Variants in ARMC10 observed in about 807,000 individuals in gnomAD.
The protein encoded by ARMC10 is armadillo repeat containing 10, also known as armadillo repeat-containing protein 10.
In ARMC10, 23 loss-of-function variants were observed where a neutral mutation model predicts 30.2. That is an observed-to-expected ratio of 0.76 (90% CI 0.55 to 1.08). The LOEUF is 1.08. Ranked by LOEUF, ARMC10 falls within the 50% of genes least tolerant of loss-of-function variation. The pLI, the probability that ARMC10 is intolerant of heterozygous loss-of-function variation, is 0.00. For synonymous variants in ARMC10, 111 were observed against 164.4 expected, an observed-to-expected ratio of 0.68 and a Z score of 2.48; for missense variants, 303 against 413.7, an observed-to-expected ratio of 0.73 and a Z score of 2.32.
At position 103,075,418 on chromosome 7, in the gene ARMC10, C is replaced by T. The variant is rs780188553; in HGVS notation, c.139+7C>T. ...CGCTCTTCGAAGTCCGCAGGTGGGA[C>T]CCCGGGGTTTCCGGCAGGTGGGCGG... On this transcript the variant is annotated splice_region_variant and intron_variant, in intron 1 of 6. Transcript: ENST00000323716. 1.1e-5 allele frequency: 14 copies of T among 1,290,788 alleles called. No homozygotes were observed. Among genetic ancestry groups the T allele is most frequent in the Middle Eastern group, 2.2e-4 (1 of 4,626 alleles). 80.0% of individuals were successfully genotyped at this position (1,290,788 alleles called of 1,614,324 possible). A position where few individuals can be genotyped will look rare whatever the true frequency, so the allele number is the denominator to read the frequency against.
At chr7:103,080,700 T>A (rs1408347035) in intron 2 of ARMC10, among the ~76,000 whole-genome samples, 1 of 152,042 alleles carries the variant, frequency 6.6e-6, no homozygotes, top group Non-Finnish European at 1.5e-5. Flanking sequence ...GGATCTCGGC[T>A]CACTGCAACC....
chr7:103,091,626 C>T (rs896455940), intron 4 of ARMC10, among the ~76,000 whole-genome samples: 1 of 152,166 alleles, frequency 6.6e-6, no homozygotes, highest in Non-Finnish European at 1.5e-5. Context: ...TTCTTTACTT[C>T]TGAAATGATG....
At chr7:103,079,013 A>G (rs536837635) in intron 2 of ARMC10, among the ~76,000 whole-genome samples, 2 of 152,306 alleles carry the variant, frequency 1.3e-5, no homozygotes, top group East Asian at 3.9e-4. Flanking sequence ...TGTCTTAAAA[A>G]ATAAAAAATA....
chr7:103,086,170 T>C (rs1800835303), intron 3 of ARMC10, among the ~76,000 whole-genome samples: 1 of 152,206 alleles, frequency 6.6e-6, no homozygotes, highest in Non-Finnish European at 1.5e-5. Flanking sequence ...GGAACATCTC[T>C]TAACATTTTG....
chr7:103,088,204 CAGATG>C (rs1801018280), intron 4 of ARMC10, among the ~76,000 whole-genome samples: 1 of 152,070 alleles, frequency 6.6e-6, no homozygotes. Context: ...CGTATAGATC[CAGATG>C]AGATTAGTTT....
intron 4 of ARMC10, chr7:103,089,239 G>T: frequency 4.0e-6 from 1 of 248,306 alleles, no homozygotes. Flanking sequence ...AGCTCGATAT[G>T]CAGTAAGATA....
intron 2 of ARMC10, among the ~76,000 whole-genome samples, chr7:103,082,741 G>A (rs968865829): frequency 6.6e-6 from 1 of 151,900 alleles, no homozygotes; most frequent in African/African-American, 2.4e-5. Flanking sequence ...ACCCCAGTAA[G>A]AGTGTTATAA....
At chr7:103,096,119 CTTG>C (rs1274473208) in intron 5 of ARMC10, 3 of 152,152 alleles carry the variant, frequency 2.0e-5, no homozygotes, top group Non-Finnish European at 2.9e-5. Context: ...CTATTTGAGT[CTTG>C]TTATTACTGA....
chr7:103,093,660 C>T (rs549936339), intron 5 of ARMC10, among the ~76,000 whole-genome samples: 26 of 152,276 alleles, frequency 1.7e-4, no homozygotes, highest in Admixed American at 1.6e-3. Flanking sequence ...GCCCCTGAAC[C>T]CCTGGGGAAA....
chr7:103,080,372 G>A (rs1167446638), intron 2 of ARMC10, among the ~76,000 whole-genome samples: 4 of 149,592 alleles, frequency 2.7e-5, no homozygotes, highest in Non-Finnish European at 5.9e-5. Flanking sequence ...CTTCTACCTC[G>A]GCCACCCGAG....
intron 4 of ARMC10, chr7:103,087,756 A>G: frequency 1.0e-6 from 1 of 984,406 alleles, no homozygotes; most frequent in Non-Finnish European, 1.2e-6. Context: ...TAGTTTAGAT[A>G]AAGACTTCCA....
intron 5 of ARMC10, among the ~76,000 whole-genome samples, chr7:103,093,162 T>C (rs1443990832): frequency 6.6e-6 from 1 of 152,204 alleles, no homozygotes; most frequent in Non-Finnish European, 1.5e-5. Context: ...CTATAAAAAG[T>C]TTCTTAAGTA....
rs538352273 is a variant in ARMC10 at position 103,092,445 on chromosome 7, C to G, written c.529-32C>G. On this transcript the variant is annotated intron_variant, in intron 4 of 6. Transcript: ENST00000323716. ...GTTCAGTAGAAAAATTTTGGAGATT[C>G]TAAGATGCTCATTTTCCTCCCCTGC... The G allele has an allele frequency of 2.5e-5, 37 of 1,502,022 alleles. No homozygotes were observed. The East Asian group carries it at 8.2e-4, about 33-fold the overall frequency. 93.0% of individuals were successfully genotyped at this position (1,502,022 alleles called of 1,614,324 possible). A position where few individuals can be genotyped will look rare whatever the true frequency, so the allele number is the denominator to read the frequency against.
intron 2 of ARMC10, among the ~76,000 whole-genome samples, chr7:103,081,010 C>T (rs887516864): frequency 6.6e-6 from 1 of 152,148 alleles, no homozygotes; most frequent in Non-Finnish European, 1.5e-5. Context: ...ATTCTAAAGC[C>T]ACTTTTGCTA....
rs1254055788 is a variant in ARMC10, at chr7:103,097,212, A to C, written c.706-65A>C. 2.1e-5 allele frequency: 28 copies of C among 1,334,458 alleles called. No individual in the cohort carries two copies. In the East Asian group the frequency reaches 6.4e-4, roughly 31 times the overall value. 82.7% of individuals were successfully genotyped at this position (1,334,458 alleles called of 1,614,324 possible). A position where few individuals can be genotyped will look rare whatever the true frequency, so the allele number is the denominator to read the frequency against. On this transcript the variant is annotated intron_variant, in intron 5 of 6. Transcript: ENST00000323716. ...TAACAGGAAGACATGGTGAGAGAAC[A>C]GCATGCCTGAGAGAGAAAATTCATG...
intron 4 of ARMC10, chr7:103,087,029 C>G (rs1200898593): frequency 3.3e-6 from 3 of 906,102 alleles, no homozygotes; most frequent in Non-Finnish European, 4.5e-6. Context: ...ACAGTAATAG[C>G]CTTAAGGCTA....
At position 103,097,558 on chromosome 7, in the gene ARMC10, T is replaced by C. The variant is rs116349537; in HGVS notation, c.777+210T>C. ...TACTTTTGAAAAACATTTTTAAAAA[T>C]TCACCCTAGCAACAATAAATTATAA... On this transcript the variant is annotated intron_variant, in intron 6 of 6. Transcript: ENST00000323716. 2.5e-3 allele frequency among the ~76,000 whole-genome samples: 380 copies of C among 152,288 alleles called. 4 individuals are homozygous for C. Among genetic ancestry groups the C allele is most frequent in the African/African-American group, 8.9e-3 (369 of 41,554 alleles).
chr7:103,080,701 C>T lies in ARMC10; in HGVS notation c.245-2981C>T, dbSNP rs530244547. 3.9e-3 allele frequency among the ~76,000 whole-genome samples: 596 copies of T among 151,280 alleles called. 2 individuals are homozygous for T. The highest frequency in any genetic ancestry group is 6.2e-3 in the Non-Finnish European group (418 of 67,806). On this transcript the variant is annotated intron_variant, in intron 2 of 6. Coordinates refer to ENST00000323716, the MANE Select transcript of ARMC10 (RefSeq NM_031905.5). ...GGAGTGCAGTGGTGGGATCTCGGCT[C>T]ACTGCAACCTCTGCCGCCCAGGTTC...
intron 2 of ARMC10, among the ~76,000 whole-genome samples, chr7:103,082,676 T>A (rs1800488538): frequency 6.6e-6 from 1 of 152,174 alleles, no homozygotes; most frequent in African/African-American, 2.4e-5. Context: ...TGAGATCATG[T>A]AACACCTATT....
Sources: allele counts gnomAD v4.1 joint callset (sites outside exome capture counted in the v4.1 genomes callset), GRCh38; gene constraint gnomAD v4.1.1; transcripts MANE v1.5; gene names NCBI Gene and HGNC (gene_info 2026-07-23, HGNC 2026-07-21).